Variants in COMMD10 observed in about 807,000 individuals in gnomAD.
COMMD10 encodes COMM domain-containing protein 10.
COMMD10 carries 33 observed loss-of-function variants against 28.9 expected under a neutral mutation model. The ratio of observed to expected loss-of-function variants is 1.14; its 90% CI spans 0.87 to 1.53. The LOEUF is 1.53. Ranked by LOEUF, COMMD10 falls within the 40% of genes most tolerant of loss-of-function variation. The probability of loss-of-function intolerance (pLI) is 0.00; values close to 1 mark genes in which losing one functional copy is unlikely to be tolerated. For synonymous variants in COMMD10, 110 were observed against 81.7 expected (o/e 1.35, Z -1.87); for missense variants, 310 against 233.4 (o/e 1.33, Z -2.14).
intron 1 of COMMD10, among the ~76,000 whole-genome samples, chr5:116,086,371 A>G (rs894996309): frequency 3.3e-5 from 5 of 152,184 alleles, no homozygotes; most frequent in African/African-American, 1.2e-4. Context: ...TTCTCATCAC[A>G]TCATTTAAAG....
chr5:116,246,862 A>G (rs1439803689), intron 5 of COMMD10, among the ~76,000 whole-genome samples: 2 of 152,092 alleles, frequency 1.3e-5, no homozygotes, highest in African/African-American at 2.4e-5. Flanking sequence ...AAAGCACAAA[A>G]GTATAAAACC....
chr5:116,170,028 A>G (rs1050493877), intron 5 of COMMD10, among the ~76,000 whole-genome samples: 35 of 152,202 alleles, frequency 2.3e-4, no homozygotes, highest in African/African-American at 8.4e-4. Context: ...GTATTCAAAT[A>G]GGAAGAGAGG....
At chr5:116,284,128 T>A (rs1751153537) in intron 5 of COMMD10, among the ~76,000 whole-genome samples, 1 of 151,514 alleles carries the variant, frequency 6.6e-6, no homozygotes, top group African/African-American at 2.4e-5. Flanking sequence ...CAAGACCCCA[T>A]CTCAAAAATA....
chr5:116,177,101 C>T (rs1385150079), intron 5 of COMMD10, among the ~76,000 whole-genome samples: 2 of 152,032 alleles, frequency 1.3e-5, no homozygotes, highest in African/African-American at 4.8e-5. Flanking sequence ...CACAGTGCCA[C>T]TGATAGGTAG....
At chr5:116,218,032 A>C in intron 5 of COMMD10, 1 of 1,074,616 alleles carries the variant, frequency 9.3e-7, no homozygotes, top group Non-Finnish European at 1.4e-6. Flanking sequence ...TTCTCTTGGC[A>C]CCTCCAGCAC....
intron 5 of COMMD10, among the ~76,000 whole-genome samples, chr5:116,255,262 T>C (rs1347725450): frequency 6.6e-6 from 1 of 151,902 alleles, no homozygotes; most frequent in Non-Finnish European, 1.5e-5. Context: ...AATTTGCCAG[T>C]CTGTGTCTTT....
Position 116,185,034 on chromosome 5 carries a change from T to C in COMMD10, c.510+50856T>C, listed in dbSNP as rs145509577. ...ATAGAAGGCAGTTATACAAAATGTG[T>C]GATAAAAGTTTTGGCACATACAGGT... is the stretch of plus-strand genomic sequence containing the variant. On this transcript the variant is annotated intron_variant, in intron 5 of 6. Transcript: ENST00000274458. 2.0e-3 allele frequency among the ~76,000 whole-genome samples: 303 copies of C among 152,192 alleles called. 2 individuals are homozygous for C. The highest frequency in any genetic ancestry group is 6.9e-3 in the African/African-American group (288 of 41,550).
chr5:116,180,985 T>A (rs540242755), intron 5 of COMMD10, among the ~76,000 whole-genome samples: 8 of 152,084 alleles, frequency 5.3e-5, no homozygotes, highest in Admixed American at 3.9e-4. Flanking sequence ...AAACCCTGTT[T>A]CTACAAAAAT....
At chr5:116,267,159 C>T (rs1421447802) in intron 5 of COMMD10, among the ~76,000 whole-genome samples, 1 of 151,852 alleles carries the variant, frequency 6.6e-6, no homozygotes, top group Non-Finnish European at 1.5e-5. Context: ...GTCAAATGGT[C>T]CCTGTTTGCA....
At chr5:116,189,957 ATCTT>A (rs1020665349) in intron 5 of COMMD10, among the ~76,000 whole-genome samples, 1 of 152,136 alleles carries the variant, frequency 6.6e-6, no homozygotes, top group African/African-American at 2.4e-5. Flanking sequence ...TCTTTGAAGA[ATCTT>A]TCCCTTTCCT....
intron 5 of COMMD10, among the ~76,000 whole-genome samples, chr5:116,228,011 A>G (rs1373604107): frequency 6.6e-6 from 1 of 152,054 alleles, no homozygotes; most frequent in East Asian, 1.9e-4. Flanking sequence ...CATACATTTC[A>G]ATGGAGGTTA....
At chr5:116,198,133 C>CA (rs1250683818) in intron 5 of COMMD10, among the ~76,000 whole-genome samples, 1 of 152,140 alleles carries the variant, frequency 6.6e-6, no homozygotes, top group African/African-American at 2.4e-5. Flanking sequence ...GTACATTGTA[C>CA]TCTTAAGCAG....
intron 5 of COMMD10, among the ~76,000 whole-genome samples, chr5:116,263,983 C>G (rs1359293323): frequency 2.6e-5 from 4 of 151,758 alleles, no homozygotes; most frequent in Admixed American, 6.6e-5. Flanking sequence ...TGACTCTTTT[C>G]GTCGACAGAG....
chr5:116,187,399 T>C (rs559243983), intron 5 of COMMD10, among the ~76,000 whole-genome samples: 1 of 152,256 alleles, frequency 6.6e-6, no homozygotes, highest in East Asian at 1.9e-4. Flanking sequence ...AATTGAATGG[T>C]ATACATATGT....
chr5:116,107,134 T>C (rs561289566), intron 4 of COMMD10, among the ~76,000 whole-genome samples: 1 of 152,240 alleles, frequency 6.6e-6, no homozygotes, highest in South Asian at 2.1e-4. Context: ...TCCACCTTGG[T>C]GAATCTGACG....
In COMMD10 at chr5:116,257,856, A is replaced by AC. The variant is rs1489596107; in HGVS notation, c.511-33661_511-33660insC. ...CCTACAAGGTAAAGATTTTGTGGTCATCTGAATTTTGGGAGAAGTAATTTT... is the reference window on the plus strand; with the variant it reads ...CCTACAAGGTAAAGATTTTGTGGTCACTCTGAATTTTGGGAGAAGTAATTTT... On this transcript the variant is annotated intron_variant, in intron 5 of 6. Transcript: ENST00000274458. Among the ~76,000 whole-genome samples the AC allele has an allele frequency of 3.3e-5, 5 of 151,750 alleles. 1 individual carries two copies. The highest frequency in any genetic ancestry group is 7.4e-5 in the Non-Finnish European group (5 of 67,940).
intron 5 of COMMD10, among the ~76,000 whole-genome samples, chr5:116,276,112 A>G (rs1356005904): frequency 6.6e-6 from 1 of 151,404 alleles, no homozygotes; most frequent in Non-Finnish European, 1.5e-5. Flanking sequence ...GGGGAGAGGA[A>G]ATCAGGCGAG....
At chr5:116,266,510 T>C (rs371366296) in intron 5 of COMMD10, among the ~76,000 whole-genome samples, 2 of 151,976 alleles carry the variant, frequency 1.3e-5, no homozygotes, top group African/African-American at 4.8e-5. Flanking sequence ...AGCTGAACTT[T>C]GATGCAGTAG....
chr5:116,106,135 T>G (rs1394324352), intron 4 of COMMD10, among the ~76,000 whole-genome samples: 1 of 152,052 alleles, frequency 6.6e-6, no homozygotes, highest in Non-Finnish European at 1.5e-5. Flanking sequence ...GCTATAAATT[T>G]CCCTCTGCAC....
Sources: gnomAD v4.1 joint callset for allele counts (sites outside exome capture counted in the v4.1 genomes callset) on GRCh38, gnomAD v4.1.1 for gene constraint, MANE v1.5 for transcripts, NCBI Gene and HGNC (gene_info 2026-07-23, HGNC 2026-07-21) for gene names.